The following KCNK5 variants were observed in gnomAD, a reference collection of about 807,000 sequenced individuals.
KCNK5 encodes potassium two pore domain channel subfamily K member 5.
KCNK5 carries 18 observed loss-of-function variants against 32.9 expected under a neutral mutation model. The ratio of observed to expected loss-of-function variants is 0.55; its 90% CI spans 0.38 to 0.81. The LOEUF (loss-of-function observed/expected upper bound fraction) is 0.81. Among genes scored for constraint, KCNK5 ranks in the 30% least tolerant of loss-of-function variants. The pLI is 0.00. For missense variants in KCNK5, 507 were observed against 651.0 expected (o/e 0.78, Z 2.41); for synonymous variants, 276 against 275.3 (o/e 1.00, Z -0.03).
intron 1 of KCNK5, among the ~76,000 whole-genome samples, chr6:39,228,150 A>C (rs1365372215): frequency 2.0e-5 from 3 of 152,154 alleles, no homozygotes; most frequent in Non-Finnish European, 4.4e-5. Context: ...GCGGTTCCCA[A>C]TGTCAGCACG....
rs1771025997 is a variant in KCNK5 at position 39,196,045 on chromosome 6, A to G, written c.187-58T>C. 6.7e-6 allele frequency: 8 copies of G among 1,194,840 alleles called. No homozygotes were observed. The Admixed American group carries it at 1.5e-4, about 22-fold the overall frequency. 74.0% of individuals were successfully genotyped at this position (1,194,840 alleles called of 1,614,324 possible). ...GGCCACACTTAACAGATGCTGATTG[A>G]CAGAACTGCACTAAACTCCTTGTAA... On this transcript the variant is annotated intron_variant, in intron 1 of 4. Coordinates refer to ENST00000359534, the MANE Select transcript of KCNK5 (RefSeq NM_003740.4).
intron 1 of KCNK5, among the ~76,000 whole-genome samples, chr6:39,222,863 G>A (rs1291977874): frequency 6.6e-6 from 1 of 152,194 alleles, no homozygotes; most frequent in Admixed American, 6.5e-5. Context: ...GGAGAATGGT[G>A]GTTCCCAGGG....
rs187438421 is a variant in KCNK5, at chr6:39,189,048, A to G, written c.*1842T>C. ...GACATCGTTGCCAGTATGTACATACAGTGTGCGCGATGCCAGGACAACCAG... is the reference window on the plus strand; with the variant it reads ...GACATCGTTGCCAGTATGTACATACGGTGTGCGCGATGCCAGGACAACCAG... On this transcript the variant is annotated 3_prime_UTR_variant, in exon 5 of 5. Transcript: ENST00000359534. 6.6e-6 allele frequency: 1 copy of G among 152,404 alleles called. No individual in the cohort carries two copies. The allele number at this position is 152,404 out of a possible 1,614,324, so 9.4% of individuals were successfully genotyped here. A position where few individuals can be genotyped will look rare whatever the true frequency, so the allele number is the denominator to read the frequency against.
intron 1 of KCNK5, among the ~76,000 whole-genome samples, chr6:39,218,277 G>T (rs527718712): frequency 6.6e-6 from 1 of 152,132 alleles, no homozygotes; most frequent in South Asian, 2.1e-4. Flanking sequence ...CACTGTGTTG[G>T]CCAGGCTGGT....
chr6:39,199,607 C>T (rs936499691), intron 1 of KCNK5, among the ~76,000 whole-genome samples: 1 of 152,196 alleles, frequency 6.6e-6, no homozygotes, highest in Non-Finnish European at 1.5e-5. Context: ...GGTTACCTGG[C>T]AGAACTGGGC....
rs1230558587 is a variant in KCNK5, at chr6:39,194,491, A to G, written c.465+103T>C. On this transcript the variant is annotated intron_variant, in intron 3 of 4. Coordinates refer to ENST00000359534, the MANE Select transcript of KCNK5 (RefSeq NM_003740.4). This position sits in a 1 kb window ranked among gnomAD's most constrained non-coding sequence, Gnocchi z 4.7. ...GGAGCTCTGAAACTATCCTCTTGCC[A>G]TCTGTCCTTACACCCTTGGTCCAAT... is the stretch of plus-strand genomic sequence containing the variant. The G allele has an allele frequency of 1.7e-5, 24 of 1,454,228 alleles. No homozygotes were observed. In the East Asian group the frequency reaches 3.4e-4, roughly 21 times the overall value. 90.1% of individuals were successfully genotyped at this position (1,454,228 alleles called of 1,614,324 possible).
chr6:39,219,529 C>T (rs1434462616), intron 1 of KCNK5, among the ~76,000 whole-genome samples: 2 of 152,104 alleles, frequency 1.3e-5, no homozygotes, highest in African/African-American at 4.8e-5. Flanking sequence ...CAGAGTGAGA[C>T]TCTGTTTCAA....
rs142734464 is a variant in KCNK5, at chr6:39,194,693, C to A, written c.366G>T (p.Gly122=). The change falls in exon 3 of 5, where the codon GGG becomes GGT. Residue 122 remains glycine (G), a synonymous_variant. Coordinates refer to ENST00000359534, the MANE Select transcript of KCNK5 (RefSeq NM_003740.4). This position sits in a 1 kb window ranked among gnomAD's most constrained non-coding sequence, Gnocchi z 4.7. The part of the protein sequence containing the change: ...RLFCVFYGLF[G]VPLCLTWISA... ...TGATCCACGTCAGGCAGAGCGGCACCCCGAAGAGACCATAGAAAACACAGA... is the reference window on the plus strand; with the variant it reads ...TGATCCACGTCAGGCAGAGCGGCACACCGAAGAGACCATAGAAAACACAGA... 1 of 1,613,924 alleles carries A rather than the reference C, an allele frequency of 6.2e-7. No homozygotes were observed. Among genetic ancestry groups the A allele is most frequent in the Non-Finnish European group, 8.5e-7 (1 of 1,180,010 alleles).
At chr6:39,207,629 G>A (rs367790954) in intron 1 of KCNK5, among the ~76,000 whole-genome samples, 4 of 151,744 alleles carry the variant, frequency 2.6e-5, no homozygotes, top group African/African-American at 9.7e-5. Context: ...TCCAGAGGAA[G>A]CAGGCAGGTG....
intron 1 of KCNK5, among the ~76,000 whole-genome samples, chr6:39,223,009 A>G (rs1379383560): frequency 1.3e-5 from 2 of 152,186 alleles, no homozygotes; most frequent in African/African-American, 4.8e-5. Context: ...AACGTGGCTA[A>G]AATGGTAAAT....
intron 1 of KCNK5, among the ~76,000 whole-genome samples, chr6:39,218,363 C>G (rs965717827): frequency 3.9e-5 from 6 of 152,206 alleles, no homozygotes; most frequent in Non-Finnish European, 7.3e-5. Flanking sequence ...GCCACCACGC[C>G]CAGCCTATGG....
Position 39,190,689 on chromosome 6 carries a change from A to C in KCNK5, c.*201T>G. ...GGACAGATGCCCCCACAGCCAGGGT[A>C]TGGTTCAGCTGGAGAACAGAGGCCC... On this transcript the variant is annotated 3_prime_UTR_variant, in exon 5 of 5. Transcript: ENST00000359534. The C allele has an allele frequency of 1.2e-5, 6 of 483,592 alleles. No homozygotes were observed. Among genetic ancestry groups the C allele is most frequent in the African/African-American group, 3.9e-5 (2 of 51,388 alleles). 30.0% of individuals were successfully genotyped at this position (483,592 alleles called of 1,614,324 possible). A position where few individuals can be genotyped will look rare whatever the true frequency, so the allele number is the denominator to read the frequency against.
rs1261855962 is a variant in KCNK5 at position 39,191,004 on chromosome 6, G to A, written c.1386C>T (p.Gly462=). The change falls in exon 5 of 5, where the codon GGC becomes GGT. Residue 462 remains glycine, a synonymous_variant. Coordinates refer to ENST00000359534, the MANE Select transcript of KCNK5 (RefSeq NM_003740.4). The surrounding 1 kb of genome is among the most constrained non-coding windows in gnomAD (Gnocchi z 5.8). ...GAEAKAPLNM[G]EFPSSSESTF... ...TGGACTCGGAGGAGGAGGGGAACTC[G>A]CCCATGTTCAGGGGCGCCTTGGCTT... The A allele has an allele frequency of 6.3e-6, 10 of 1,585,542 alleles. No homozygotes were observed. The highest frequency in any genetic ancestry group is 4.5e-5 in the East Asian group (2 of 44,192).
intron 1 of KCNK5, among the ~76,000 whole-genome samples, chr6:39,206,271 T>C (rs540339148): frequency 6.6e-6 from 1 of 152,288 alleles, no homozygotes; most frequent in Non-Finnish European, 1.5e-5. Context: ...ACTGGTGACA[T>C]AGCAGAGATA....
chr6:39,198,885 A>G (rs1413953127), intron 1 of KCNK5, among the ~76,000 whole-genome samples: 2 of 152,218 alleles, frequency 1.3e-5, no homozygotes, highest in African/African-American at 4.8e-5. Context: ...CTGATAATGC[A>G]AAGTATTTAG....
chr6:39,192,283 CAAAAAAAA>C (rs1226626372), intron 4 of KCNK5, among the ~76,000 whole-genome samples: 1 of 46,720 alleles, frequency 2.1e-5, no homozygotes, highest in Non-Finnish European at 3.4e-5. Flanking sequence ...GACTCCGTCT[CAAAAAAAA>C]AAAAAAAAAA....
chr6:39,191,661 G>T lies in KCNK5; in HGVS notation c.729C>A (p.Asn243Lys). Residue 243 changes from asparagine to lysine, a missense_variant, in exon 5 of 5, where the codon AAC becomes AAA. This residue lies in a region of KCNK5 where 45 missense variants were observed against 107.6 expected (regional missense o/e 0.42). Transcript: ENST00000359534. This position sits in a 1 kb window ranked among gnomAD's most constrained non-coding sequence, Gnocchi z 5.8. ...LGLAWLSLFV[N>K]WKVSMFVEVH... ...CTTCCACAAACATGCTCACCTTCCA[G>T]TTGACAAAAAGGGACAGCCAGGCCA... 6.2e-7 allele frequency: 1 copy of T among 1,613,990 alleles called. No homozygotes were observed. The highest frequency in any genetic ancestry group is 1.7e-5 in the Admixed American group (1 of 60,010).
intron 1 of KCNK5, among the ~76,000 whole-genome samples, chr6:39,227,648 G>A (rs1469518276): frequency 2.6e-5 from 4 of 152,128 alleles, no homozygotes; most frequent in African/African-American, 7.2e-5. Context: ...CAGCAAATAC[G>A]TATATGCTTA....
At chr6:39,219,382 G>C (rs577284471) in intron 1 of KCNK5, among the ~76,000 whole-genome samples, 22 of 152,114 alleles carry the variant, frequency 1.4e-4, no homozygotes, top group African/African-American at 5.1e-4. Context: ...TCTTGCGAGG[G>C]GGGTATAATT....
Sources: gnomAD v4.1 joint callset for allele counts (sites outside exome capture counted in the v4.1 genomes callset) on GRCh38, gnomAD v4.1.1 for gene constraint, gnomAD v4.1.1 regional missense constraint, Gnocchi (gnomAD v3.1) non-coding constraint, MANE v1.5 for transcripts, NCBI Gene and HGNC (gene_info 2026-07-23, HGNC 2026-07-21) for gene names.